The following SMARCA2 variants were observed in gnomAD, a reference collection of about 807,000 sequenced individuals.
SMARCA2 encodes the protein SWI/SNF-related matrix-associated actin-dependent regulator of chromatin subfamily A member 2.
In SMARCA2, 61 loss-of-function variants were observed where a neutral mutation model predicts 199.8. The ratio of observed to expected loss-of-function variants is 0.31; its 90% CI spans 0.25 to 0.38. The LOEUF is 0.38. Among genes scored for constraint, SMARCA2 ranks in the 10% least tolerant of loss-of-function variants. The probability of loss-of-function intolerance (pLI) is 1.00; values close to 1 mark genes in which losing one functional copy is unlikely to be tolerated. For synonymous variants in SMARCA2, 935 were observed against 732.0 expected (o/e 1.28, Z -4.48); for missense variants, 1,344 against 2,012.2 (o/e 0.67, Z 6.35).
chr9:2,178,264 A>G (rs1002790322), intron 29 of SMARCA2, among the ~76,000 whole-genome samples: 2 of 152,072 alleles, frequency 1.3e-5, no homozygotes, highest in Non-Finnish European at 2.9e-5. Context: ...CTTGTATTTC[A>G]AGTTGTACCC....
chr9:2,056,966 G>A lies in SMARCA2; in HGVS notation c.1347+121G>A. ...TGGGTGGTGGGGACATCACAGAACA[G>A]AACGGTTCCTTGACATGTACATAAT... On this transcript the variant is annotated intron_variant, in intron 7 of 33. Transcript: ENST00000349721. This position sits in a 1 kb window ranked among gnomAD's most constrained non-coding sequence, Gnocchi z 4.0. 1.2e-6 allele frequency: 1 copy of A among 811,266 alleles called. No individual in the cohort carries two copies. Among genetic ancestry groups the A allele is most frequent in the Non-Finnish European group, 1.9e-6 (1 of 519,464 alleles). The allele number at this position is 811,266 out of a possible 1,614,324, so 50.3% of individuals were successfully genotyped here. A position where few individuals can be genotyped will look rare whatever the true frequency, so the allele number is the denominator to read the frequency against.
At chr9:2,103,475 G>A (rs1322902476) in intron 22 of SMARCA2, among the ~76,000 whole-genome samples, 1 of 152,160 alleles carries the variant, frequency 6.6e-6, no homozygotes, top group Non-Finnish European at 1.5e-5. Flanking sequence ...AGTAAAATGA[G>A]ACTCTGTTTT....
chr9:2,109,202 A>G (rs1279786187), intron 23 of SMARCA2, among the ~76,000 whole-genome samples: 1 of 152,234 alleles, frequency 6.6e-6, no homozygotes, highest in African/African-American at 2.4e-5. Flanking sequence ...ATGTAGGAAT[A>G]ATATTTGAAG....
chr9:2,139,508 C>T (rs1824365840), intron 27 of SMARCA2, among the ~76,000 whole-genome samples: 1 of 152,188 alleles, frequency 6.6e-6, no homozygotes, highest in Non-Finnish European at 1.5e-5. Context: ...AGGAAGATCA[C>T]TAAAATGAAC....
intron 23 of SMARCA2, among the ~76,000 whole-genome samples, chr9:2,108,858 G>A (rs1444520601): frequency 6.6e-6 from 1 of 152,086 alleles, no homozygotes; most frequent in Non-Finnish European, 1.5e-5. Context: ...ATCTAAACTC[G>A]GACAGTTGAT....
At position 2,193,317 on chromosome 9, in the gene SMARCA2, TGTATAAGATTTATGTCTA is replaced by T. The variant is rs1012783142; in HGVS notation, c.*579_*596del. ...TGATCTGAACAAAAGCTTTTTGAAT[TGTATAAGATTTATGTCTA>T]CTGTAAACATTGCTTAATTTTTTTG... On this transcript the variant is annotated 3_prime_UTR_variant, in exon 34 of 34. Transcript: ENST00000349721. The T allele has an allele frequency of 1.3e-5, 2 of 152,680 alleles. No homozygotes were observed. The highest frequency in any genetic ancestry group is 4.8e-5 in the African/African-American group (2 of 41,456). 9.5% of individuals were successfully genotyped at this position (152,680 alleles called of 1,614,324 possible). A position where few individuals can be genotyped will look rare whatever the true frequency, so the allele number is the denominator to read the frequency against.
intron 27 of SMARCA2, among the ~76,000 whole-genome samples, chr9:2,144,323 C>A (rs1313169718): frequency 6.6e-6 from 1 of 152,118 alleles, no homozygotes; most frequent in Non-Finnish European, 1.5e-5. Context: ...GACTGTTAAA[C>A]TTTCTTGGCC....
At chr9:2,067,472 G>T (rs1377255687) in intron 9 of SMARCA2, among the ~76,000 whole-genome samples, 3 of 152,154 alleles carry the variant, frequency 2.0e-5, no homozygotes, top group Non-Finnish European at 4.4e-5. Flanking sequence ...AATAGTCCTC[G>T]GACTATCGTT....
chr9:2,066,874 A>G (rs898690907), intron 9 of SMARCA2, among the ~76,000 whole-genome samples: 1 of 152,258 alleles, frequency 6.6e-6, no homozygotes, highest in Non-Finnish European at 1.5e-5. Flanking sequence ...CAGCTCAAAC[A>G]GTAGACCAAT....
rs1017764788 is a variant in SMARCA2, at chr9:2,046,652, C to T, written c.791-577C>T. Reference sequence around the variant, plus strand: ...TAAAGCATGGGTTCTGACAGCAGGGCTCTTCCAGATTGCGATAGAGGTCTG... The same window carrying T: ...TAAAGCATGGGTTCTGACAGCAGGGTTCTTCCAGATTGCGATAGAGGTCTG... On this transcript the variant is annotated intron_variant, in intron 4 of 33. Transcript: ENST00000349721. Among the ~76,000 whole-genome samples, 2 of 150,960 alleles carry T rather than the reference C, an allele frequency of 1.3e-5. 1 individual carries two copies. Among genetic ancestry groups the T allele is most frequent in the South Asian group, 4.2e-4 (2 of 4,794 alleles).
chr9:2,087,201 A>G (rs1365313559), intron 18 of SMARCA2, 130 bp downstream of exon 18: 6 of 1,109,488 alleles, frequency 5.4e-6, no homozygotes, highest in Non-Finnish European at 6.5e-6. Context: ...TATGAAACCC[A>G]TCGGTGGGTG....
intron 27 of SMARCA2, among the ~76,000 whole-genome samples, chr9:2,136,828 T>G (rs1256171778): frequency 1.3e-5 from 2 of 152,188 alleles, no homozygotes; most frequent in East Asian, 3.9e-4. Context: ...TTTTAGGGGT[T>G]TAAGCTGTTC....
chr9:2,021,568 C>G (rs1586615121), intron 1 of SMARCA2, among the ~76,000 whole-genome samples: 1 of 152,182 alleles, frequency 6.6e-6, no homozygotes, highest in Non-Finnish European at 1.5e-5. Context: ...GGAAAGCCCT[C>G]TCCCATCTTC....
rs1050474923 is a variant in SMARCA2, at chr9:2,016,304, G to C, written c.-37+900G>C. 1 of 152,494 alleles carries C rather than the reference G, an allele frequency of 6.6e-6. No individual in the cohort carries two copies. Among genetic ancestry groups the C allele is most frequent in the South Asian group, 2.1e-4 (1 of 4,840 alleles). 9.4% of individuals were successfully genotyped at this position (152,494 alleles called of 1,614,324 possible). On this transcript the variant is annotated intron_variant, in intron 1 of 33. Coordinates refer to ENST00000349721, the MANE Select transcript of SMARCA2 (RefSeq NM_003070.5). This position sits in a 1 kb window ranked among gnomAD's most constrained non-coding sequence, Gnocchi z 5.6. The stretch of plus-strand genomic sequence containing the variant: ...CCTCTGGTACCTGGCGGCAGCGCAG[G>C]CTCGGGTGTTAAAGTTCGGGATGTC...
At chr9:2,101,501 T>C in intron 21 of SMARCA2, 69 bp from the exon 22 acceptor site, 1 of 829,642 alleles carries the variant, frequency 1.2e-6, no homozygotes, top group South Asian at 1.9e-5. Flanking sequence ...ATAACCTCAC[T>C]AAAAGAGTAA....
chr9:2,087,729 A>G (rs1039707878), intron 18 of SMARCA2, among the ~76,000 whole-genome samples: 4 of 152,192 alleles, frequency 2.6e-5, no homozygotes, highest in Non-Finnish European at 1.5e-5. Context: ...TCATTTTCAT[A>G]GTGGTTCCTC....
rs546022434 is a variant in SMARCA2 at position 2,095,894 on chromosome 9, A to T, written c.2884-763A>T. ...ATTGGGATTCTTTATTAAATAAAGA[A>T]AAACAATGGTAGGAAATAAGGCAGA... On this transcript the variant is annotated intron_variant, in intron 19 of 33. Transcript: ENST00000349721. Among the ~76,000 whole-genome samples, 19 of 152,368 alleles carry T rather than the reference A, an allele frequency of 1.2e-4. No individual in the cohort carries two copies. In the South Asian group the frequency reaches 2.3e-3, roughly 18 times the overall value.
chr9:2,047,725 C>T (rs1819934637), intron 5 of SMARCA2: 1 of 297,492 alleles, frequency 3.4e-6, no homozygotes. Context: ...CACACTGCGA[C>T]TGTGGAATAC....
At position 2,169,848 on chromosome 9, in the gene SMARCA2, A is replaced by T. The variant is rs985340924; in HGVS notation, c.4200-571A>T. Among the ~76,000 whole-genome samples, 3 of 152,112 alleles carry T rather than the reference A, an allele frequency of 2.0e-5. No individual in the cohort carries two copies. The highest frequency in any genetic ancestry group is 4.4e-5 in the Non-Finnish European group (3 of 68,004). On this transcript the variant is annotated intron_variant, in intron 28 of 33. Transcript: ENST00000349721. The surrounding 1 kb of genome is among the most constrained non-coding windows in gnomAD (Gnocchi z 6.5). ...AGGTGGTGGTTTATTTTCATTTCCCACTAAAGATCATGAATTCAGTGATCT... is the reference window on the plus strand; with the variant it reads ...AGGTGGTGGTTTATTTTCATTTCCCTCTAAAGATCATGAATTCAGTGATCT...
Sources: allele counts gnomAD v4.1 joint callset (sites outside exome capture counted in the v4.1 genomes callset), GRCh38; gene constraint gnomAD v4.1.1; non-coding constraint Gnocchi (gnomAD v3.1); transcripts MANE v1.5; gene names NCBI Gene and HGNC (gene_info 2026-07-23, HGNC 2026-07-21).